RANBP2: variants seen among roughly 807,000 people sequenced by gnomAD.
The protein encoded by RANBP2 is E3 SUMO-protein ligase RanBP2.
RANBP2 carries 57 observed loss-of-function variants against 303.6 expected under a neutral mutation model. The ratio of observed to expected loss-of-function variants is 0.19; its 90% CI spans 0.15 to 0.23. The LOEUF (loss-of-function observed/expected upper bound fraction) is 0.23. Ranked by LOEUF, RANBP2 falls within the 10% of genes least tolerant of loss-of-function variation. RANBP2 has a pLI of 1.00. For synonymous variants in RANBP2, 1,167 were observed against 1,301.5 expected (o/e 0.90, Z 2.23); for missense variants, 3,138 against 3,780.8 (o/e 0.83, Z 4.46).
chr2:109,313,799 A>C, the RANBP2 span, among the ~76,000 whole-genome samples: 1 of 152,220 alleles, frequency 6.6e-6, no homozygotes, highest in African/African-American at 2.4e-5. Context: ...TGGCAGCATG[A>C]GTGAAACAGA....
At chr2:108,952,297 G>A in the RANBP2 span, among the ~76,000 whole-genome samples, 1 of 152,102 alleles carries the variant, frequency 6.6e-6, no homozygotes, top group Non-Finnish European at 1.5e-5. Context: ...TGGGAGATTG[G>A]GTAGAAGGTA....
chr2:108,988,921 G>GAA, the RANBP2 span: 1 of 152,220 alleles, frequency 6.6e-6, no homozygotes, highest in African/African-American at 2.4e-5. Flanking sequence ...GGCCACAGCT[G>GAA]AAGAGTTTAG....
chr2:108,957,502 G>A, the RANBP2 span, among the ~76,000 whole-genome samples: 2 of 152,232 alleles, frequency 1.3e-5, no homozygotes, highest in Non-Finnish European at 2.9e-5. Context: ...CAGGGGGCTG[G>A]ATGGTTCTAT....
At chr2:109,351,894 C>T in the RANBP2 span, among the ~76,000 whole-genome samples, 3 of 152,226 alleles carry the variant, frequency 2.0e-5, no homozygotes, top group African/African-American at 7.2e-5. Context: ...AATGTTTAAT[C>T]ATTTCTCAAA....
the RANBP2 span, among the ~76,000 whole-genome samples, chr2:109,249,851 A>ATTTT: frequency 6.6e-6 from 1 of 150,854 alleles, no homozygotes; most frequent in African/African-American, 2.4e-5. Flanking sequence ...TTATTTTTTA[A>ATTTT]TTTTTTTATT....
chr2:109,437,784 T>C, the RANBP2 span, among the ~76,000 whole-genome samples: 1 of 152,210 alleles, frequency 6.6e-6, no homozygotes, highest in East Asian at 1.9e-4. Context: ...GGGTGGGCCT[T>C]AAAGGCATAA....
chr2:109,088,119 C>T, the RANBP2 span, among the ~76,000 whole-genome samples: 4 of 152,020 alleles, frequency 2.6e-5, no homozygotes, highest in African/African-American at 9.7e-5. Flanking sequence ...AAAAATTAGG[C>T]CGGGTACGGT....
At chr2:109,397,260 G>C in the RANBP2 span, among the ~76,000 whole-genome samples, 1 of 152,032 alleles carries the variant, frequency 6.6e-6, no homozygotes, top group South Asian at 2.1e-4. Context: ...CCTCCAGGGA[G>C]ATCTGCCCAG....
At chr2:109,210,382 G>A in the RANBP2 span, among the ~76,000 whole-genome samples, 1 of 152,194 alleles carries the variant, frequency 6.6e-6, no homozygotes, top group African/African-American at 2.4e-5. Flanking sequence ...GGGAAAGCCT[G>A]GTCTTTTCCG....
the RANBP2 span, among the ~76,000 whole-genome samples, chr2:109,597,409 T>C: frequency 6.6e-6 from 1 of 152,228 alleles, no homozygotes; most frequent in East Asian, 1.9e-4. Context: ...ACCCACTTAG[T>C]ATGTGTAAAC....
At chr2:109,151,806 A>G in the RANBP2 span, among the ~76,000 whole-genome samples, 2 of 152,220 alleles carry the variant, frequency 1.3e-5, no homozygotes, top group African/African-American at 4.8e-5. Flanking sequence ...ACTCTAATAG[A>G]TTTGCATCTG....
At chr2:109,303,930 C>T in the RANBP2 span, among the ~76,000 whole-genome samples, 6 of 151,794 alleles carry the variant, frequency 4.0e-5, no homozygotes, top group South Asian at 2.1e-4. Flanking sequence ...GATATAACCC[C>T]GTCTCTACTG....
the RANBP2 span, among the ~76,000 whole-genome samples, chr2:109,365,600 G>C: frequency 1.3e-5 from 2 of 152,120 alleles, no homozygotes; most frequent in African/African-American, 4.8e-5. Context: ...GTTAGCTATT[G>C]AATGGTGTGT....
the RANBP2 span, among the ~76,000 whole-genome samples, chr2:109,377,765 TTGATGCAGCAAC>T: frequency 2.0e-5 from 3 of 152,184 alleles, no homozygotes; most frequent in African/African-American, 7.2e-5. Context: ...TAAGCCTTGG[TTGATGCAGCAAC>T]ATCAAGCTCA....
chr2:109,097,736 GGTGTGTGTGT>G, the RANBP2 span, among the ~76,000 whole-genome samples: 134 of 146,788 alleles, frequency 9.1e-4, no homozygotes, highest in Middle Eastern at 3.5e-3. Context: ...ATGTGCTTAG[GGTGTGTGTGT>G]GTGTGTGTGT....
chr2:109,761,279 T>C, the RANBP2 span, among the ~76,000 whole-genome samples: 1 of 143,022 alleles, frequency 7.0e-6, no homozygotes, highest in Admixed American at 7.0e-5. Context: ...TCCCACCCAC[T>C]TCCACCGAGA....
the RANBP2 span, among the ~76,000 whole-genome samples, chr2:109,379,945 G>A: frequency 6.6e-6 from 1 of 152,186 alleles, no homozygotes; most frequent in Non-Finnish European, 1.5e-5. Context: ...GGGAGAATAA[G>A]CAGTGGTCTT....
At chr2:109,014,947 C>G in the RANBP2 span, among the ~76,000 whole-genome samples, 1 of 151,870 alleles carries the variant, frequency 6.6e-6, no homozygotes, top group African/African-American at 2.4e-5. Flanking sequence ...TGGTGAAACC[C>G]TATCTCTACT....
At chr2:108,835,714 A>G in the RANBP2 span, among the ~76,000 whole-genome samples, 1 of 152,226 alleles carries the variant, frequency 6.6e-6, no homozygotes, top group East Asian at 1.9e-4. Context: ...GTATATTCAC[A>G]TTGTCCTTCA....
Sources: allele counts gnomAD v4.1 joint callset (sites outside exome capture counted in the v4.1 genomes callset), GRCh38; gene constraint gnomAD v4.1.1; transcripts MANE v1.5; gene names NCBI Gene and HGNC (gene_info 2026-07-23, HGNC 2026-07-21).